Variants in FOXN1 observed in about 807,000 individuals in gnomAD.
FOXN1 encodes the protein forkhead box protein N1.
In FOXN1, 15 loss-of-function variants were observed where a neutral mutation model predicts 49.0. The ratio of observed to expected loss-of-function variants is 0.31; its 90% CI spans 0.20 to 0.47. FOXN1 has a LOEUF of 0.47. Ranked by LOEUF, FOXN1 falls within the 20% of genes least tolerant of loss-of-function variation. The pLI is 1.00. For synonymous variants in FOXN1, 356 were observed against 369.0 expected (o/e 0.96, Z 0.40); for missense variants, 800 against 842.8 (o/e 0.95, Z 0.63).
rs2069635363 is a variant in FOXN1, at chr17:28,521,282, A to G, written c.-14-2674A>G. On this transcript the variant is annotated intron_variant, in intron 1 of 8. Coordinates refer to ENST00000579795, the MANE Select transcript of FOXN1 (RefSeq NM_001369369.1). Reference sequence around the variant, plus strand: ...ACACCGTGCTACCCCACCTGCAGGGAGGGGAGTGGCCACCCTCCCCAGGTT... The same window carrying G: ...ACACCGTGCTACCCCACCTGCAGGGGGGGGAGTGGCCACCCTCCCCAGGTT... Among the ~76,000 whole-genome samples the G allele has an allele frequency of 2.6e-5, 4 of 152,216 alleles. No homozygotes were observed. The South Asian group carries it at 8.3e-4, about 32-fold the overall frequency.
intron 1 of FOXN1, among the ~76,000 whole-genome samples, chr17:28,517,614 A>G: frequency 8.2e-6 from 1 of 122,460 alleles, no homozygotes; most frequent in Non-Finnish European, 1.7e-5. Context: ...CAGGATCCAT[A>G]CCTCCACAGG....
intron 1 of FOXN1, among the ~76,000 whole-genome samples, chr17:28,511,371 G>A (rs571869867): frequency 4.5e-4 from 69 of 152,292 alleles, no homozygotes; most frequent in African/African-American, 1.5e-3. Context: ...CTGGCCCAAC[G>A]GACAGTGGGA....
chr17:28,534,259 A>G lies in FOXN1; in HGVS notation c.928-72A>G. On this transcript the variant is annotated intron_variant, in intron 6 of 8. Coordinates refer to ENST00000579795, the MANE Select transcript of FOXN1 (RefSeq NM_001369369.1). This position sits in a 1 kb window ranked among gnomAD's most constrained non-coding sequence, Gnocchi z 4.1. ...CCCAGAGGAGAAACAGGAGTGTTCT[A>G]GAACCCAGACCTGAAGCCCGCTCTG... The G allele has an allele frequency of 6.2e-7, 1 of 1,611,106 alleles. No individual in the cohort carries two copies. The highest frequency in any genetic ancestry group is 8.5e-7 in the Non-Finnish European group (1 of 1,179,430).
intron 1 of FOXN1, among the ~76,000 whole-genome samples, chr17:28,520,005 T>C (rs972738030): frequency 1.3e-5 from 2 of 152,178 alleles, no homozygotes; most frequent in African/African-American, 4.8e-5. Context: ...CTATCATTTA[T>C]TGAGCATGTA....
intron 3 of FOXN1, among the ~76,000 whole-genome samples, chr17:28,525,267 C>G (rs890457646): frequency 2.7e-5 from 4 of 150,712 alleles, no homozygotes; most frequent in African/African-American, 9.8e-5. Flanking sequence ...AAACTCCAGC[C>G]AGACCTACAC....
At chr17:28,517,608 ATCCATACCTCCACAGGG>A (rs2069548416) in intron 1 of FOXN1, among the ~76,000 whole-genome samples, 1 of 105,150 alleles carries the variant, frequency 9.5e-6, no homozygotes, top group Non-Finnish European at 1.9e-5. Flanking sequence ...CCTCCACAGG[ATCCATACCTCCACAGGG>A]TACACACCTC....
chr17:28,526,087 G>T (rs971876145), intron 3 of FOXN1, among the ~76,000 whole-genome samples: 2 of 152,336 alleles, frequency 1.3e-5, no homozygotes, highest in East Asian at 3.9e-4. Flanking sequence ...TGCCCAGGGT[G>T]TCTCCTAACC....
At chr17:28,523,794 C>T (rs2069694219) in intron 1 of FOXN1, 162 bp from the exon 2 acceptor site, 2 of 13,610 alleles carry the variant, frequency 1.5e-4, no homozygotes, top group Non-Finnish European at 5.5e-4. Context: ...CTCTCTGGTT[C>T]TCTCTCTCTC....
At chr17:28,518,063 C>A (rs1459575447) in intron 1 of FOXN1, among the ~76,000 whole-genome samples, 3 of 151,600 alleles carry the variant, frequency 2.0e-5, no homozygotes. Context: ...CACACCTCCA[C>A]AGGATACACA....
At chr17:28,536,064 T>C (rs2070057630) in intron 8 of FOXN1, among the ~76,000 whole-genome samples, 1 of 152,132 alleles carries the variant, frequency 6.6e-6, no homozygotes, top group Non-Finnish European at 1.5e-5. Context: ...TCCCAGGCCC[T>C]GATACTGGCC....
intron 4 of FOXN1, among the ~76,000 whole-genome samples, chr17:28,528,279 G>A (rs556062687): frequency 1.1e-4 from 17 of 152,320 alleles, no homozygotes; most frequent in Admixed American, 7.8e-4. Context: ...TGGAATGACC[G>A]AAGCTATCCT....
chr17:28,520,744 G>A (rs939056403), intron 1 of FOXN1, among the ~76,000 whole-genome samples: 1 of 152,196 alleles, frequency 6.6e-6, no homozygotes, highest in Admixed American at 6.5e-5. Flanking sequence ...GGGTGAGGCC[G>A]ACACTGCGGG....
intron 4 of FOXN1, 141 bp from the exon 5 acceptor site, chr17:28,528,953 T>A (rs634065): frequency 4.2e-5 from 44 of 1,038,092 alleles, no homozygotes; most frequent in African/African-American, 3.2e-4. Flanking sequence ...ACAGCTCTGC[T>A]TTGGGGGTGA....
chr17:28,536,437 G>C (rs2070066116), intron 8 of FOXN1, among the ~76,000 whole-genome samples: 2 of 152,234 alleles, frequency 1.3e-5, no homozygotes, highest in African/African-American at 4.8e-5. Context: ...ACAGAGGCTT[G>C]AGAACTTACT....
At position 28,534,885 on chromosome 17, in the gene FOXN1, C is replaced by T. The variant is rs1469931406; in HGVS notation, c.1314C>T (p.Pro438=). The T allele has an allele frequency of 3.7e-6, 6 of 1,614,086 alleles. No individual in the cohort carries two copies. The East Asian group carries it at 1.1e-4, about 30-fold the overall frequency. ...CAGGCCCCATTCCTGGCAAGAACCC[C>T]CTGCAGGACCTACTTATGGGGCACA... ...PAPGPIPGKN[P]LQDLLMGHTP... Residue 438 remains proline (P), a synonymous_variant, in exon 8 of 9, where the codon CCC becomes CCT. Transcript: ENST00000579795. The surrounding 1 kb of genome is among the most constrained non-coding windows in gnomAD (Gnocchi z 4.1).
intron 1 of FOXN1, among the ~76,000 whole-genome samples, chr17:28,507,287 A>G (rs1414115244): frequency 6.6e-6 from 1 of 152,148 alleles, no homozygotes; most frequent in African/African-American, 2.4e-5. Flanking sequence ...AGGTTCTGGC[A>G]TTCCCCGTGG....
chr17:28,515,231 C>T (rs2151477752), intron 1 of FOXN1, among the ~76,000 whole-genome samples: 1 of 152,098 alleles, frequency 6.6e-6, no homozygotes, highest in Non-Finnish European at 1.5e-5. Context: ...TTACAGGGTA[C>T]ATATCTCCAC....
In FOXN1 at chr17:28,524,600, G is replaced by A; in HGVS notation, c.221G>A (p.Gly74Glu). 3 of 1,613,550 alleles carry A rather than the reference G, an allele frequency of 1.9e-6. No homozygotes were observed. Among genetic ancestry groups the A allele is most frequent in the Non-Finnish European group, 2.5e-6 (3 of 1,179,966 alleles). ...PPHSPRIASP[G>E]PEQVQGHCPA... ...CACAGCCCCCGCATTGCGTCACCAG[G>A]GCCCGAGCAAGTCCAGGGCCACTGC... Residue 74 changes from glycine (G) to glutamate (E), a missense_variant, in exon 3 of 9, where the codon GGG (glycine) becomes GAG (glutamate). Coordinates refer to ENST00000579795, the MANE Select transcript of FOXN1 (RefSeq NM_001369369.1).
chr17:28,517,451 C>CAGGGTACACACCTCCAT, intron 1 of FOXN1, among the ~76,000 whole-genome samples: 1 of 150,942 alleles, frequency 6.6e-6, no homozygotes, highest in Admixed American at 6.6e-5. Context: ...CACACCTCCA[C>CAGGGTACACACCTCCAT]AGGGTACACA....
Sources: gnomAD v4.1 joint callset for allele counts (sites outside exome capture counted in the v4.1 genomes callset) on GRCh38, gnomAD v4.1.1 for gene constraint, Gnocchi (gnomAD v3.1) non-coding constraint, MANE v1.5 for transcripts, NCBI Gene and HGNC (gene_info 2026-07-23, HGNC 2026-07-21) for gene names.